Variants in LHFPL6 observed in about 807,000 individuals in gnomAD.
The protein encoded by LHFPL6 is LHFPL tetraspan subfamily member 6.
LHFPL6 carries 9 observed loss-of-function variants against 20.6 expected under a neutral mutation model. The observed-to-expected ratio is 0.44, with a 90% CI of 0.26 to 0.76. LHFPL6 has a LOEUF of 0.76. LHFPL6 is among the 30% of genes least tolerant of loss of function. The pLI, the probability that LHFPL6 is intolerant of heterozygous loss-of-function variation, is 0.20. For synonymous variants in LHFPL6, 105 were observed against 98.7 expected (o/e 1.06, Z -0.38); for missense variants, 218 against 253.5 (o/e 0.86, Z 0.95).
At chr13:39,563,174 T>TA (rs1344556182) in intron 2 of LHFPL6, among the ~76,000 whole-genome samples, 2 of 149,338 alleles carry the variant, frequency 1.3e-5, no homozygotes, top group Non-Finnish European at 3.0e-5. Flanking sequence ...GCAACAATGT[T>TA]AAAAATGTCT....
chr13:39,504,152 T>C (rs1280204393), intron 2 of LHFPL6, among the ~76,000 whole-genome samples: 1 of 152,224 alleles, frequency 6.6e-6, no homozygotes, highest in Non-Finnish European at 1.5e-5. Flanking sequence ...TAAATTATAT[T>C]AATATATCTG....
chr13:39,562,483 T>TAC (rs1871540103), intron 2 of LHFPL6, among the ~76,000 whole-genome samples: 1 of 122,556 alleles, frequency 8.2e-6, no homozygotes, highest in Admixed American at 8.9e-5. Flanking sequence ...CACATATACA[T>TAC]ATATACACAT....
At chr13:39,506,603 C>T (rs1341557241) in intron 2 of LHFPL6, among the ~76,000 whole-genome samples, 1 of 152,064 alleles carries the variant, frequency 6.6e-6, no homozygotes. Flanking sequence ...GGGCCACCGC[C>T]ACTCAGCAGC....
chr13:39,385,736 G>A (rs939979363), intron 2 of LHFPL6, among the ~76,000 whole-genome samples: 2 of 152,122 alleles, frequency 1.3e-5, no homozygotes, highest in African/African-American at 2.4e-5. Context: ...CTTAGCCAGC[G>A]GACTATTAAC....
chr13:39,518,712 C>A (rs9548792), intron 2 of LHFPL6, among the ~76,000 whole-genome samples: 12,804 of 152,154 alleles, frequency 0.084, 592 homozygotes, highest in East Asian at 0.22. Flanking sequence ...CTACTAGAAC[C>A]ACCTGGAAAG....
At chr13:39,359,458 C>A (rs528119692) in intron 3 of LHFPL6, among the ~76,000 whole-genome samples, 5 of 152,134 alleles carry the variant, frequency 3.3e-5, no homozygotes, top group Admixed American at 2.0e-4. Flanking sequence ...TATACAAATA[C>A]CCCATGGAAT....
chr13:39,587,344 C>G (rs1437949508), intron 2 of LHFPL6, among the ~76,000 whole-genome samples: 1 of 152,050 alleles, frequency 6.6e-6, no homozygotes, highest in South Asian at 2.1e-4. Context: ...CTTGATGTTC[C>G]CCTGTCTGAA....
chr13:39,446,123 GTAGT>G (rs1190791844), intron 2 of LHFPL6, among the ~76,000 whole-genome samples: 1 of 152,186 alleles, frequency 6.6e-6, no homozygotes, highest in Non-Finnish European at 1.5e-5. Context: ...AATGAGCATG[GTAGT>G]TAGGAGCACA....
At chr13:39,519,167 T>C (rs1028559827) in intron 2 of LHFPL6, among the ~76,000 whole-genome samples, 1 of 151,832 alleles carries the variant, frequency 6.6e-6, no homozygotes, top group African/African-American at 2.4e-5. Context: ...ACTCGGGAAG[T>C]AGAGGCTGCA....
intron 2 of LHFPL6, among the ~76,000 whole-genome samples, chr13:39,415,771 A>G (rs1593304372): frequency 6.6e-6 from 1 of 152,250 alleles, no homozygotes; most frequent in East Asian, 1.9e-4. Flanking sequence ...GCAAAGCTTC[A>G]TAGTCTCAGT....
intron 2 of LHFPL6, among the ~76,000 whole-genome samples, chr13:39,563,575 A>G (rs1460259792): frequency 1.3e-5 from 2 of 152,246 alleles, no homozygotes; most frequent in Non-Finnish European, 2.9e-5. Context: ...TCTCAAGAGC[A>G]GAATCATTGC....
At chr13:39,549,081 T>C (rs977956121) in intron 2 of LHFPL6, among the ~76,000 whole-genome samples, 6 of 152,208 alleles carry the variant, frequency 3.9e-5, no homozygotes, top group African/African-American at 1.4e-4. Context: ...ACAACCCTAT[T>C]ACAAAATGAT....
At chr13:39,381,786 A>G (rs1258616071) in intron 2 of LHFPL6, among the ~76,000 whole-genome samples, 1 of 151,312 alleles carries the variant, frequency 6.6e-6, no homozygotes, top group Non-Finnish European at 1.5e-5. Context: ...AGATTCAGAG[A>G]GACTCCCGGG....
chr13:39,543,472 C>G (rs1365761906), intron 2 of LHFPL6, among the ~76,000 whole-genome samples: 1 of 152,194 alleles, frequency 6.6e-6, no homozygotes, highest in Non-Finnish European at 1.5e-5. Flanking sequence ...ACCCAATTAA[C>G]AGCCGTTTAT....
chr13:39,460,330 C>T (rs1298857158), intron 2 of LHFPL6, among the ~76,000 whole-genome samples: 1 of 152,168 alleles, frequency 6.6e-6, no homozygotes, highest in Non-Finnish European at 1.5e-5. Context: ...AATAAGAACT[C>T]CAATCCTTTC....
chr13:39,594,858 A>G (rs1430184107), intron 2 of LHFPL6, among the ~76,000 whole-genome samples: 2 of 152,190 alleles, frequency 1.3e-5, no homozygotes, highest in South Asian at 2.1e-4. Context: ...TCAGCAAACG[A>G]TCGCAAGGAC....
At chr13:39,472,938 C>T (rs1217968227) in intron 2 of LHFPL6, among the ~76,000 whole-genome samples, 3 of 152,164 alleles carry the variant, frequency 2.0e-5, no homozygotes, top group Admixed American at 6.5e-5. Context: ...CAGGCCTTCA[C>T]TAGTATAGTC....
At chr13:39,417,915 A>G (rs1871385102) in intron 2 of LHFPL6, among the ~76,000 whole-genome samples, 1 of 152,200 alleles carries the variant, frequency 6.6e-6, no homozygotes, top group Admixed American at 6.5e-5. Context: ...ATTTGAAGTC[A>G]TTGAGTCAGT....
intron 2 of LHFPL6, among the ~76,000 whole-genome samples, chr13:39,386,237 C>T (rs9594330): frequency 0.11 from 16,257 of 152,188 alleles, 962 homozygotes; most frequent in African/African-American, 0.17. Flanking sequence ...ATTTTCATCC[C>T]TAGATAATGG....
Sources: gnomAD v4.1 joint callset for allele counts (sites outside exome capture counted in the v4.1 genomes callset) on GRCh38, gnomAD v4.1.1 for gene constraint, MANE v1.5 for transcripts, NCBI Gene and HGNC (gene_info 2026-07-23, HGNC 2026-07-21) for gene names.